Variants in ATXN10 observed in about 807,000 individuals in gnomAD.
ATXN10 encodes ataxin-10.
ATXN10 carries 28 observed loss-of-function variants against 52.9 expected under a neutral mutation model. That is an observed-to-expected ratio of 0.53 (90% CI 0.39 to 0.73). The LOEUF (loss-of-function observed/expected upper bound fraction) is 0.73, where lower values mean the gene tolerates loss of function less well. Among genes scored for constraint, ATXN10 ranks in the 30% least tolerant of loss-of-function variants. The probability of loss-of-function intolerance (pLI) is 0.00; values close to 1 mark genes in which losing one functional copy is unlikely to be tolerated. For missense variants in ATXN10, 565 were observed against 577.0 expected (o/e 0.98, Z 0.21); for synonymous variants, 226 against 221.5 (o/e 1.02, Z -0.18).
intron 6 of ATXN10, among the ~76,000 whole-genome samples, chr22:45,721,041 T>C (rs1924630093): frequency 6.6e-6 from 1 of 152,222 alleles, no homozygotes; most frequent in African/African-American, 2.4e-5. Context: ...GTGTAAATTC[T>C]TAAGCTTTTT....
At chr22:45,755,394 A>G (rs903936711) in intron 9 of ATXN10, among the ~76,000 whole-genome samples, 1 of 152,152 alleles carries the variant, frequency 6.6e-6, no homozygotes, top group African/African-American at 2.4e-5. Context: ...AATCATAACA[A>G]ACTCTGATTA....
At chr22:45,815,159 AGAG>A (rs1928417075) in intron 10 of ATXN10, among the ~76,000 whole-genome samples, 1 of 152,230 alleles carries the variant, frequency 6.6e-6, no homozygotes, top group African/African-American at 2.4e-5. Context: ...ACGGCAGTAA[AGAG>A]GAGTGAACTG....
Position 45,835,400 on chromosome 22 carries a change from G to A in ATXN10, c.1238-7591G>A, listed in dbSNP as rs1394056540. On this transcript the variant is annotated intron_variant, in intron 10 of 11. Transcript: ENST00000252934. The surrounding 1 kb of genome is among the most constrained non-coding windows in gnomAD (Gnocchi z 5.0). ...ACGGGGTGCAGTGGAGGAAGTGTGA[G>A]CCTTGTACAGAGAGAGGTTTCAGGC... Among the ~76,000 whole-genome samples, 1 of 152,218 alleles carries A rather than the reference G, an allele frequency of 6.6e-6. No homozygotes were observed. Among genetic ancestry groups the A allele is most frequent in the Non-Finnish European group, 1.5e-5 (1 of 68,044 alleles).
intron 5 of ATXN10, among the ~76,000 whole-genome samples, chr22:45,707,645 A>AATATG (rs952954566): frequency 6.8e-6 from 1 of 147,796 alleles, no homozygotes; most frequent in Admixed American, 6.7e-5. Flanking sequence ...AATATAATAT[A>AATATG]ATATGATATA....
At chr22:45,679,616 A>G (rs1922838156) in intron 1 of ATXN10, 1 of 152,234 alleles carries the variant, frequency 6.6e-6, no homozygotes, top group African/African-American at 2.4e-5. Flanking sequence ...CCAAAAAACA[A>G]AAACCCACAC....
Position 45,769,744 on chromosome 22 carries a change from C to T in ATXN10, c.1173+29206C>T, listed in dbSNP as rs758146941. 6.6e-6 allele frequency among the ~76,000 whole-genome samples: 1 copy of T among 152,102 alleles called. No homozygotes were observed. Among genetic ancestry groups the T allele is most frequent in the Non-Finnish European group, 1.5e-5 (1 of 68,016 alleles). On this transcript the variant is annotated intron_variant, in intron 9 of 11. Coordinates refer to ENST00000252934, the MANE Select transcript of ATXN10 (RefSeq NM_013236.4). The surrounding 1 kb of genome is among the most constrained non-coding windows in gnomAD (Gnocchi z 4.2). ...CCAGGCCTCTTTTCTCTTGCCTTCT[C>T]GAGTAGCCTGACAAGATGTCTGCCA... is the stretch of plus-strand genomic sequence containing the variant.
rs1316014251 is a variant in ATXN10 at position 45,790,087 on chromosome 22, TTTAAA to T, written c.1174-16866_1174-16862del. On this transcript the variant is annotated intron_variant, in intron 9 of 11. Transcript: ENST00000252934. This position sits in a 1 kb window ranked among gnomAD's most constrained non-coding sequence, Gnocchi z 4.7. ...TTAAAATCCAAAGATAACATTGCAT[TTTAAA>T]TTAAAGTCCAAAGGCATTAAAGTCC... 6.6e-6 allele frequency among the ~76,000 whole-genome samples: 1 copy of T among 152,212 alleles called. No individual in the cohort carries two copies. Among genetic ancestry groups the T allele is most frequent in the East Asian group, 1.9e-4 (1 of 5,200 alleles).
rs1926927660 is a variant in ATXN10 at position 45,775,670 on chromosome 22, A to T, written c.1174-31289A>T. ...TGTGACTATTTATAATAAAAATGTG[A>T]CTTGCAGTATTGTTATTGAGAGAGA... On this transcript the variant is annotated intron_variant, in intron 9 of 11. Transcript: ENST00000252934. The surrounding 1 kb of genome is among the most constrained non-coding windows in gnomAD (Gnocchi z 4.7). Among the ~76,000 whole-genome samples the T allele has an allele frequency of 6.6e-6, 1 of 152,112 alleles. No individual in the cohort carries two copies. Among genetic ancestry groups the T allele is most frequent in the Non-Finnish European group, 1.5e-5 (1 of 68,022 alleles).
rs1927123596 is a variant in ATXN10, at chr22:45,780,832, C to T, written c.1174-26127C>T. Reference sequence around the variant, plus strand: ...GGTGCAGATGCACTTCCCGGTATCTCTCCAGCTAAATACATCCAGAACCCT... The same window carrying T: ...GGTGCAGATGCACTTCCCGGTATCTTTCCAGCTAAATACATCCAGAACCCT... On this transcript the variant is annotated intron_variant, in intron 9 of 11. Coordinates refer to ENST00000252934, the MANE Select transcript of ATXN10 (RefSeq NM_013236.4). This position sits in a 1 kb window ranked among gnomAD's most constrained non-coding sequence, Gnocchi z 4.0. 2.6e-5 allele frequency among the ~76,000 whole-genome samples: 4 copies of T among 152,244 alleles called. No homozygotes were observed. In the East Asian group the frequency reaches 5.8e-4, roughly 22 times the overall value.
intron 3 of ATXN10, among the ~76,000 whole-genome samples, chr22:45,695,281 C>T (rs866169740): frequency 7.4e-5 from 11 of 149,056 alleles, no homozygotes; most frequent in Middle Eastern, 3.4e-3. Flanking sequence ...CCGAGATTGC[C>T]GCCACTGAAC....
rs1013534708 is a variant in ATXN10, at chr22:45,805,750, G to A, written c.1174-1209G>A. 8.5e-5 allele frequency among the ~76,000 whole-genome samples: 13 copies of A among 152,116 alleles called. No homozygotes were observed. The highest frequency in any genetic ancestry group is 2.4e-4 in the African/African-American group (10 of 41,432). On this transcript the variant is annotated intron_variant, in intron 9 of 11. Coordinates refer to ENST00000252934, the MANE Select transcript of ATXN10 (RefSeq NM_013236.4). This position sits in a 1 kb window ranked among gnomAD's most constrained non-coding sequence, Gnocchi z 4.4. ...GGTGTGGAGTTTCTTTTAGGGGTGA[G>A]GAAAATGTTGGAAAATTGGATCATG...
intron 10 of ATXN10, among the ~76,000 whole-genome samples, chr22:45,830,857 T>C (rs1310523523): frequency 6.6e-6 from 1 of 152,224 alleles, no homozygotes; most frequent in Non-Finnish European, 1.5e-5. Context: ...CAATTCCACT[T>C]CTGGGTATAT....
intron 1 of ATXN10, 130 bp downstream of exon 1, chr22:45,672,309 G>A (rs1471433132): frequency 9.6e-7 from 1 of 1,038,404 alleles, no homozygotes; most frequent in Non-Finnish European, 1.2e-6. Flanking sequence ...TGCGCGGGCT[G>A]CCTGAGCGCC....
chr22:45,792,590 G>A (rs951826814), intron 9 of ATXN10: 6 of 182,022 alleles, frequency 3.3e-5, no homozygotes, highest in Admixed American at 2.2e-4. Context: ...TTTCCTTTAG[G>A]GGATGGTGCT....
intron 7 of ATXN10, among the ~76,000 whole-genome samples, chr22:45,736,218 A>G (rs1925290293): frequency 6.6e-6 from 1 of 152,136 alleles, no homozygotes; most frequent in Non-Finnish European, 1.5e-5. Context: ...TGGCTTCAGC[A>G]GCTTCCCCTT....
In ATXN10 at chr22:45,750,912, G is replaced by A. The variant is rs964943836; in HGVS notation, c.1173+10374G>A. 1.3e-5 allele frequency among the ~76,000 whole-genome samples: 2 copies of A among 149,886 alleles called. No homozygotes were observed. Among genetic ancestry groups the A allele is most frequent in the Non-Finnish European group, 3.0e-5 (2 of 67,532 alleles). On this transcript the variant is annotated intron_variant, in intron 9 of 11. Transcript: ENST00000252934. The surrounding 1 kb of genome is among the most constrained non-coding windows in gnomAD (Gnocchi z 4.2). ...CATGCTCCGTTCATTAGTGATTGTA[G>A]TAATTCTTTCTTTCTTCTACTTTCC...
At chr22:45,755,399 T>C (rs1282431891) in intron 9 of ATXN10, among the ~76,000 whole-genome samples, 1 of 152,192 alleles carries the variant, frequency 6.6e-6, no homozygotes, top group Non-Finnish European at 1.5e-5. Context: ...TAACAAACTC[T>C]GATTAGGGGG....
chr22:45,711,287 A>G (rs546571219), intron 5 of ATXN10, among the ~76,000 whole-genome samples: 1 of 152,186 alleles, frequency 6.6e-6, no homozygotes, highest in African/African-American at 2.4e-5. Context: ...AGGTTAAATA[A>G]TGTATCATTC....
At chr22:45,731,909 A>G (rs111728511) in intron 7 of ATXN10, among the ~76,000 whole-genome samples, 2 of 152,314 alleles carry the variant, frequency 1.3e-5, no homozygotes, top group African/African-American at 4.8e-5. Flanking sequence ...TTCTGGAGAT[A>G]GATTTGCCTT....
Sources: allele counts gnomAD v4.1 joint callset (sites outside exome capture counted in the v4.1 genomes callset), GRCh38; gene constraint gnomAD v4.1.1; non-coding constraint Gnocchi (gnomAD v3.1); transcripts MANE v1.5; gene names NCBI Gene and HGNC (gene_info 2026-07-23, HGNC 2026-07-21).